PHKG1: variants seen among roughly 807,000 people sequenced by gnomAD.
The protein encoded by PHKG1 is phosphorylase b kinase gamma catalytic chain, skeletal muscle/heart isoform.
In PHKG1, 48 loss-of-function variants were observed where a neutral mutation model predicts 50.5. That is an observed-to-expected ratio of 0.95 (90% CI 0.75 to 1.21). The LOEUF (loss-of-function observed/expected upper bound fraction) is 1.21, where lower values mean the gene tolerates loss of function less well. Ranked by LOEUF, PHKG1 falls within the 50% of genes most tolerant of loss-of-function variation. The pLI, the probability that PHKG1 is intolerant of heterozygous loss-of-function variation, is 0.00. For missense variants in PHKG1, 487 were observed against 519.5 expected (o/e 0.94, Z 0.61); for synonymous variants, 204 against 212.8 (o/e 0.96, Z 0.36).
intron 3 of PHKG1, 49 bp downstream of exon 3, chr7:56,087,549 C>A (rs772938544): frequency 1.3e-6 from 2 of 1,573,636 alleles, no homozygotes; most frequent in Non-Finnish European, 1.7e-6. Context: ...GCTGTCAGGG[C>A]AGAATCACAG....
chr7:56,090,955 T>G (rs908348518), intron 1 of PHKG1, among the ~76,000 whole-genome samples: 4 of 152,218 alleles, frequency 2.6e-5, no homozygotes, highest in Non-Finnish European at 5.9e-5. Context: ...CTCACACCTG[T>G]CATCCCAGCA....
chr7:56,087,265 A>C (rs965714337), intron 3 of PHKG1, among the ~76,000 whole-genome samples: 1 of 150,728 alleles, frequency 6.6e-6, no homozygotes, highest in African/African-American at 2.4e-5. Context: ...TGTCTCACCC[A>C]GGCTGGAGTG....
rs1796308141 is a variant in PHKG1, at chr7:56,087,535, T to C, written c.262+63A>G. The C allele has an allele frequency of 1.4e-5, 21 of 1,526,620 alleles. No homozygotes were observed. In the South Asian group the frequency reaches 2.3e-4, roughly 17 times the overall value. The allele number at this position is 1,526,620 out of a possible 1,614,324, so 94.6% of individuals were successfully genotyped here. On this transcript the variant is annotated intron_variant, in intron 3 of 9. Coordinates refer to ENST00000297373, the MANE Select transcript of PHKG1 (RefSeq NM_006213.5). ...GTGCGGTGGGGCCACACTCCCTGGC[T>C]TGGGCTGTCAGGGCAGAATCACAGG...
chr7:56,086,980 C>T lies in PHKG1; in HGVS notation c.307G>A (p.Val103Met), dbSNP rs751546133. The T allele has an allele frequency of 1.9e-6, 3 of 1,613,160 alleles. No homozygotes were observed. Among genetic ancestry groups the T allele is most frequent in the Non-Finnish European group, 2.5e-6 (3 of 1,179,370 alleles). ...GTGCTGGGTACTTACAGGTCAAACACCAAGAAGAAGAAAGTGTTGGTCTCA... is the reference window on the plus strand; with the variant it reads ...GTGCTGGGTACTTACAGGTCAAACATCAAGAAGAAGAAAGTGTTGGTCTCA... Reference protein sequence around the residue: ...TYETNTFFFLVFDLMKRGELF... With the variant: ...TYETNTFFFLMFDLMKRGELF... Residue 103 changes from valine (V) to methionine (M), a missense_variant, in exon 4 of 10, where the codon GTG becomes ATG. Transcript: ENST00000297373.
intron 2 of PHKG1, 45 bp downstream of exon 2, chr7:56,088,814 G>T: frequency 2.2e-6 from 3 of 1,373,490 alleles, no homozygotes; most frequent in Non-Finnish European, 2.1e-6. Flanking sequence ...CACAGGGTCT[G>T]CTGGAGCCTA....
In PHKG1 at chr7:56,082,033, C is replaced by G. The variant is rs141344297; in HGVS notation, c.652G>C (p.Val218Leu). Residue 218 changes from valine (V) to leucine (L), a missense_variant, in exon 8 of 10, where the codon GTC becomes CTC. Transcript: ENST00000297373. ...GKEVDMWSTG[V>L]IMYTLLAGSP... ...CCGGCCAGCAGCGTGTACATGATGA[C>G]GCCAGTGCTCCACCTGGACATGCGA... 2 of 1,612,994 alleles carry G rather than the reference C, an allele frequency of 1.2e-6. No homozygotes were observed. The highest frequency in any genetic ancestry group is 4.5e-5 in the East Asian group (2 of 44,818).
At chr7:56,091,994 G>A (rs1164558245) in intron 1 of PHKG1, among the ~76,000 whole-genome samples, 2 of 152,210 alleles carry the variant, frequency 1.3e-5, no homozygotes, top group African/African-American at 4.8e-5. Context: ...CCAAAGCTGG[G>A]TAGCGCTAGC....
rs1291938198 is a variant in PHKG1, at chr7:56,081,056, A to AG, written c.1161dup (p.Ter388LeufsTer10). On this transcript the variant is annotated frameshift_variant, in exon 10 of 10. Coordinates refer to ENST00000297373, the MANE Select transcript of PHKG1 (RefSeq NM_006213.5). LOFTEE classifies it high-confidence loss of function. The surrounding 1 kb of genome is among the most constrained non-coding windows in gnomAD (Gnocchi z 4.6). ...GCCCTCCCTGACTGGCCAGCCCCTCAGTAGTCCTCCTCGGCCAGGGAGAGG... is the reference window on the plus strand; with the variant it reads ...GCCCTCCCTGACTGGCCAGCCCCTCAGGTAGTCCTCCTCGGCCAGGGAGAGG... 6.2e-7 allele frequency: 1 copy of AG among 1,611,946 alleles called. No individual in the cohort carries two copies. Among genetic ancestry groups the AG allele is most frequent in the Non-Finnish European group, 8.5e-7 (1 of 1,179,832 alleles).
intron 6 of PHKG1, 152 bp from the exon 7 acceptor site, chr7:56,082,405 C>A: frequency 1.7e-6 from 1 of 590,844 alleles, no homozygotes; most frequent in Non-Finnish European, 3.0e-6. Context: ...CCAGCCTGGC[C>A]AACATGGCGA....
intron 4 of PHKG1, chr7:56,084,154 C>T: frequency 1.3e-6 from 2 of 1,524,064 alleles, no homozygotes; most frequent in East Asian, 2.4e-5. Context: ...AGTACCTTGC[C>T]CTGCCCTGGG....
In PHKG1 at chr7:56,081,492, T is replaced by C; in HGVS notation, c.918+138A>G. On this transcript the variant is annotated intron_variant, in intron 9 of 9. Coordinates refer to ENST00000297373, the MANE Select transcript of PHKG1 (RefSeq NM_006213.5). The surrounding 1 kb of genome is among the most constrained non-coding windows in gnomAD (Gnocchi z 4.6). ...CCAGTGGGCTGACACCTGCCGTCTT[T>C]GAAGCCATCACAGGGCAGCTGGGAG... is the stretch of plus-strand genomic sequence containing the variant. The C allele has an allele frequency of 7.9e-7, 1 of 1,262,392 alleles. No individual in the cohort carries two copies. The highest frequency in any genetic ancestry group is 2.3e-5 in the East Asian group (1 of 42,978). The allele number at this position is 1,262,392 out of a possible 1,614,324, so 78.2% of individuals were successfully genotyped here.
intron 4 of PHKG1, among the ~76,000 whole-genome samples, 185 bp from the exon 5 acceptor site, chr7:56,083,900 A>G (rs576288494): frequency 6.6e-6 from 1 of 152,274 alleles, no homozygotes; most frequent in African/African-American, 2.4e-5. Context: ...CTGGGAGAAA[A>G]GCAGAGGAGG....
At chr7:56,089,476 AT>A in intron 1 of PHKG1, among the ~76,000 whole-genome samples, 1 of 150,670 alleles carries the variant, frequency 6.6e-6, no homozygotes. Flanking sequence ...TGGTACGATT[AT>A]AGCTCACTGC....
rs1795939643 is a variant in PHKG1, at chr7:56,080,909, G to A, written c.*145C>T. The A allele has an allele frequency of 1.1e-6, 1 of 890,242 alleles. No homozygotes were observed. The highest frequency in any genetic ancestry group is 1.7e-6 in the Non-Finnish European group (1 of 594,152). 55.1% of individuals were successfully genotyped at this position (890,242 alleles called of 1,614,324 possible). A position where few individuals can be genotyped will look rare whatever the true frequency, so the allele number is the denominator to read the frequency against. On this transcript the variant is annotated 3_prime_UTR_variant, in exon 10 of 10. Transcript: ENST00000297373. ...TCCCTTGTGCACAGCCTTTGAGAGG[G>A]GATCGTGGCCTCAGTTCCAGGGGTT...
chr7:56,092,016 C>G (rs1406906376), intron 1 of PHKG1, among the ~76,000 whole-genome samples: 1 of 152,236 alleles, frequency 6.6e-6, no homozygotes, highest in African/African-American at 2.4e-5. Flanking sequence ...CTCTCCTCTC[C>G]CCCAGCCCTC....
chr7:56,083,584 G>GA, intron 5 of PHKG1, 66 bp downstream of exon 5: 1 of 1,501,940 alleles, frequency 6.7e-7, no homozygotes, highest in South Asian at 1.2e-5. Flanking sequence ...CCTCCCCTGA[G>GA]ACCCCAGTGC....
chr7:56,080,810 G>A lies in PHKG1; in HGVS notation c.*244C>T. The A allele has an allele frequency of 1.8e-6, 1 of 558,698 alleles. No individual in the cohort carries two copies. Among genetic ancestry groups the A allele is most frequent in the Non-Finnish European group, 3.2e-6 (1 of 311,488 alleles). The allele number at this position is 558,698 out of a possible 1,614,324, so 34.6% of individuals were successfully genotyped here. ...AGGAGCAGGGGGTTCCTGGTTCTCA[G>A]GCCACGTGTGATCTCTGCCCACCCA... On this transcript the variant is annotated 3_prime_UTR_variant, in exon 10 of 10. Coordinates refer to ENST00000297373, the MANE Select transcript of PHKG1 (RefSeq NM_006213.5).
intron 6 of PHKG1, chr7:56,083,031 G>A (rs1023854621): frequency 2.4e-6 from 1 of 413,432 alleles, no homozygotes; most frequent in Non-Finnish European, 4.4e-6. Context: ...ACTTGAACTC[G>A]GGAGGTGGAA....
At chr7:56,084,131 T>C (rs1219131756) in intron 4 of PHKG1, 2 of 1,395,804 alleles carry the variant, frequency 1.4e-6, no homozygotes, top group Non-Finnish European at 2.0e-6. Context: ...CCCGAGCTGG[T>C]GGCCCTGTGA....
Sources: allele counts gnomAD v4.1 joint callset (sites outside exome capture counted in the v4.1 genomes callset), GRCh38; gene constraint gnomAD v4.1.1; non-coding constraint Gnocchi (gnomAD v3.1); transcripts MANE v1.5; gene names NCBI Gene and HGNC (gene_info 2026-07-23, HGNC 2026-07-21).